The following ESCO1 variants were observed in gnomAD, a reference collection of about 807,000 sequenced individuals.
ESCO1 encodes establishment of sister chromatid cohesion N-acetyltransferase 1, also known as N-acetyltransferase ESCO1.
ESCO1 carries 33 observed loss-of-function variants against 83.5 expected under a neutral mutation model. The observed-to-expected ratio is 0.40, with a 90% CI of 0.30 to 0.53. ESCO1 has a LOEUF of 0.53. Ranked by LOEUF, ESCO1 falls within the 20% of genes least tolerant of loss-of-function variation. The probability of loss-of-function intolerance (pLI) is 0.63; values close to 1 mark genes in which losing one functional copy is unlikely to be tolerated. For synonymous variants in ESCO1, 332 were observed against 324.3 expected (o/e 1.02, Z -0.25); for missense variants, 855 against 968.0 (o/e 0.88, Z 1.55).
chr18:21,544,817 A>G (rs1475817729), intron 8 of ESCO1, among the ~76,000 whole-genome samples: 3 of 152,200 alleles, frequency 2.0e-5, no homozygotes, highest in African/African-American at 4.8e-5. Flanking sequence ...GGAAAATTCA[A>G]ATTGCCTATT....
intron 8 of ESCO1, among the ~76,000 whole-genome samples, chr18:21,555,524 T>G (rs2038102049): frequency 2.6e-5 from 4 of 152,192 alleles, no homozygotes; most frequent in Admixed American, 2.6e-4. Context: ...ATATGGGAAC[T>G]CTCTGTACTA....
chr18:21,568,052 C>A lies in ESCO1; in HGVS notation c.1573G>T (p.Val525Leu). ...CLESKLENSP[V>L]ENVTAASTLL... ...GTCGAAGCAGCAGTAACATTTTCCA[C>A]TGGACTGTTTTCTAGCTTGGATTCC... Residue 525 changes from valine to leucine, a missense_variant, in exon 5 of 12, where the codon GTG becomes TTG. Val to Leu is a conservative substitution (Grantham distance 32). Around this residue, in one of 2 missense-constraint regions of ESCO1, gnomAD observed 726 missense variants for 699.5 expected, o/e 1.04. Coordinates refer to ENST00000269214, the MANE Select transcript of ESCO1 (RefSeq NM_052911.3). The A allele has an allele frequency of 6.2e-7, 1 of 1,613,946 alleles. No homozygotes were observed. The highest frequency in any genetic ancestry group is 8.5e-7 in the Non-Finnish European group (1 of 1,179,970).
chr18:21,583,474 T>C (rs972920743), intron 2 of ESCO1, among the ~76,000 whole-genome samples: 3 of 151,792 alleles, frequency 2.0e-5, no homozygotes, highest in African/African-American at 7.3e-5. Context: ...TGAAACCCCA[T>C]CTCTACTAAA....
intron 1 of ESCO1, among the ~76,000 whole-genome samples, chr18:21,586,314 C>A (rs2038575900): frequency 6.6e-6 from 1 of 152,176 alleles, no homozygotes; most frequent in African/African-American, 2.4e-5. Flanking sequence ...TTTCACTGAA[C>A]ATAATGTCTT....
At chr18:21,569,161 C>T (rs895606053) in intron 4 of ESCO1, among the ~76,000 whole-genome samples, 1 of 152,172 alleles carries the variant, frequency 6.6e-6, no homozygotes, top group African/African-American at 2.4e-5. Flanking sequence ...GTGCTTATCA[C>T]TTTTTATTTT....
At chr18:21,597,834 G>A (rs1395283218) in intron 1 of ESCO1, among the ~76,000 whole-genome samples, 1 of 152,168 alleles carries the variant, frequency 6.6e-6, no homozygotes, top group Admixed American at 6.6e-5. Flanking sequence ...TTTAAGCATT[G>A]TAATGCAATC....
At chr18:21,545,320 T>A (rs923865754) in intron 8 of ESCO1, among the ~76,000 whole-genome samples, 2 of 152,160 alleles carry the variant, frequency 1.3e-5, no homozygotes, top group Non-Finnish European at 2.9e-5. Flanking sequence ...ATGCCTGTAA[T>A]CCCAGCACTT....
chr18:21,536,568 G>T (rs1348187054), intron 9 of ESCO1, among the ~76,000 whole-genome samples: 4 of 149,418 alleles, frequency 2.7e-5, no homozygotes, highest in Non-Finnish European at 4.4e-5. Context: ...TCCAGCCTGG[G>T]TGACAGAGTG....
At chr18:21,548,905 T>C (rs1280894164) in intron 8 of ESCO1, among the ~76,000 whole-genome samples, 1 of 151,274 alleles carries the variant, frequency 6.6e-6, no homozygotes, top group Non-Finnish European at 1.5e-5. Context: ...ACCACCGCAC[T>C]TCAGCCTGGC....
chr18:21,598,438 G>A (rs777235997), intron 1 of ESCO1, among the ~76,000 whole-genome samples: 11 of 152,162 alleles, frequency 7.2e-5, no homozygotes, highest in Admixed American at 1.3e-4. Context: ...GGTGGCTCAC[G>A]CCTGTAATCC....
In ESCO1 at chr18:21,594,925, CTGTGTGTGTG is replaced by C. The variant is rs35336026; in HGVS notation, c.-825+5688_-825+5697del. ...GATGGGCTAAAATAGTCTACAACTACTGTGTGTGTGTGTGTGTGTGTGTGTGTGTGTGTGT... is the reference window on the plus strand; with the variant it reads ...GATGGGCTAAAATAGTCTACAACTACTGTGTGTGTGTGTGTGTGTGTGTGT... On this transcript the variant is annotated intron_variant, in intron 1 of 11. Coordinates refer to ENST00000269214, the MANE Select transcript of ESCO1 (RefSeq NM_052911.3). Among the ~76,000 whole-genome samples, 655 of 143,790 alleles carry C rather than the reference CTGTGTGTGTG, an allele frequency of 4.6e-3. 2 individuals are homozygous for C. Among genetic ancestry groups the C allele is most frequent in the East Asian group, 0.015 (72 of 4,762 alleles). 94.3% of individuals were successfully genotyped at this position (143,790 alleles called of 152,430 possible).
intron 5 of ESCO1, 70 bp from the exon 6 acceptor site, chr18:21,566,276 C>A (rs1044234625): frequency 3.6e-6 from 5 of 1,394,298 alleles, no homozygotes; most frequent in South Asian, 1.3e-5. Flanking sequence ...TGGATAAAAT[C>A]ATTATACATA....
At chr18:21,592,594 G>A (rs1431276524) in intron 1 of ESCO1, among the ~76,000 whole-genome samples, 1 of 150,330 alleles carries the variant, frequency 6.7e-6, no homozygotes, top group African/African-American at 2.4e-5. Context: ...CGGCTGGTGG[G>A]GCGGGAGGCT....
intron 1 of ESCO1, among the ~76,000 whole-genome samples, chr18:21,591,986 G>A (rs1449797571): frequency 1.3e-5 from 2 of 151,562 alleles, no homozygotes; most frequent in African/African-American, 4.8e-5. Context: ...AGGGTTGGGG[G>A]GTAAGGTCAC....
chr18:21,570,513 G>A (rs949876939), intron 4 of ESCO1, among the ~76,000 whole-genome samples: 3 of 152,152 alleles, frequency 2.0e-5, no homozygotes, highest in Non-Finnish European at 4.4e-5. Context: ...ACAAAGCCAA[G>A]TTACAAAAAT....
chr18:21,547,072 T>C (rs1275046343), intron 8 of ESCO1, among the ~76,000 whole-genome samples: 2 of 152,202 alleles, frequency 1.3e-5, no homozygotes, highest in African/African-American at 2.4e-5. Flanking sequence ...CTACTTATCC[T>C]TTCTGAATTT....
intron 1 of ESCO1, among the ~76,000 whole-genome samples, chr18:21,596,346 A>G (rs1190853462): frequency 3.9e-5 from 6 of 152,200 alleles, no homozygotes; most frequent in African/African-American, 1.4e-4. Flanking sequence ...GAAACACTGC[A>G]TTAAAGTAAT....
rs1299661244 is a variant in ESCO1, at chr18:21,529,660, T to C, written c.*683A>G. On this transcript the variant is annotated 3_prime_UTR_variant, in exon 12 of 12. Coordinates refer to ENST00000269214, the MANE Select transcript of ESCO1 (RefSeq NM_052911.3). ...AGGGTACCTTTCCTAATGCTTGTCATTTACAGCTCTCCAAGAAGGAAAGCC... is the reference window on the plus strand; with the variant it reads ...AGGGTACCTTTCCTAATGCTTGTCACTTACAGCTCTCCAAGAAGGAAAGCC... The C allele has an allele frequency of 6.6e-6, 1 of 152,192 alleles. No individual in the cohort carries two copies. The highest frequency in any genetic ancestry group is 6.5e-5 in the Admixed American group (1 of 15,282). The allele number at this position is 152,192 out of a possible 1,614,324, so 9.4% of individuals were successfully genotyped here.
At chr18:21,575,481 T>C in intron 3 of ESCO1, 51 bp from the exon 4 acceptor site, 2 of 398,332 alleles carry the variant, frequency 5.0e-6, no homozygotes, top group Non-Finnish European at 8.9e-6. Context: ...ATGAAATATG[T>C]CAATGCTAAT....
Sources: allele counts gnomAD v4.1 joint callset (sites outside exome capture counted in the v4.1 genomes callset), GRCh38; gene constraint gnomAD v4.1.1; regional missense constraint gnomAD v4.1.1; transcripts MANE v1.5; gene names NCBI Gene and HGNC (gene_info 2026-07-23, HGNC 2026-07-21).